STXBP4: variants seen among roughly 807,000 people sequenced by gnomAD.
STXBP4 encodes syntaxin-binding protein 4.
A neutral mutation model predicts 76.1 loss-of-function variants in STXBP4; 55 were observed. That is an observed-to-expected ratio of 0.72 (90% CI 0.58 to 0.91). STXBP4 has a LOEUF of 0.91. Among genes scored for constraint, STXBP4 ranks in the 40% least tolerant of loss-of-function variants. The pLI, the probability that STXBP4 is intolerant of heterozygous loss-of-function variation, is 0.00. For synonymous variants in STXBP4, 201 were observed against 220.2 expected, an observed-to-expected ratio of 0.91 and a Z score of 0.77; for missense variants, 618 against 636.9, an observed-to-expected ratio of 0.97 and a Z score of 0.32.
downstream of STXBP4, among the ~76,000 whole-genome samples, chr17:55,176,748 G>T (rs556171943): frequency 2.3e-4 from 35 of 152,272 alleles, no homozygotes; most frequent in Non-Finnish European, 1.0e-4. Context: ...ATGAAGATCT[G>T]CCCTCAGCAA....
At chr17:55,110,523 G>A (rs1338757768) in intron 16 of STXBP4, among the ~76,000 whole-genome samples, 1 of 152,160 alleles carries the variant, frequency 6.6e-6, no homozygotes, top group African/African-American at 2.4e-5. Flanking sequence ...AAATGACAGA[G>A]GCTAACAACT....
chr17:55,090,456 A>C (rs549590492), intron 16 of STXBP4, among the ~76,000 whole-genome samples: 1 of 152,250 alleles, frequency 6.6e-6, no homozygotes, highest in African/African-American at 2.4e-5. Flanking sequence ...ATGCAAAGGT[A>C]CATTTCACCC....
intron 8 of STXBP4, among the ~76,000 whole-genome samples, chr17:55,026,287 GAAATGCAAAAGACCCA>G (rs1041823759): frequency 7.9e-5 from 12 of 152,064 alleles, no homozygotes; most frequent in African/African-American, 2.9e-4. Flanking sequence ...CATTTGTATG[GAAATGCAAAAGACCCA>G]AAATAGCTGA....
chr17:55,112,347 A>G (rs1348185519), intron 16 of STXBP4, among the ~76,000 whole-genome samples: 1 of 152,204 alleles, frequency 6.6e-6, no homozygotes, highest in Non-Finnish European at 1.5e-5. Context: ...TCACTAGAAT[A>G]TAAGCTTCAG....
intron 12 of STXBP4, among the ~76,000 whole-genome samples, chr17:55,057,391 G>A (rs1005813252): frequency 1.1e-4 from 17 of 152,150 alleles, no homozygotes; most frequent in African/African-American, 4.1e-4. Context: ...ACTAAACAGT[G>A]TTAGCAACTG....
At chr17:55,070,559 C>T (rs1244653741) in intron 12 of STXBP4, among the ~76,000 whole-genome samples, 1 of 152,198 alleles carries the variant, frequency 6.6e-6, no homozygotes, top group African/African-American at 2.4e-5. Context: ...TTGGCCACAT[C>T]TCTCCATCTG....
At chr17:55,105,316 C>T (rs916817247) in intron 16 of STXBP4, among the ~76,000 whole-genome samples, 12 of 152,024 alleles carry the variant, frequency 7.9e-5, no homozygotes, top group African/African-American at 2.4e-4. Context: ...GATTCTGGTA[C>T]GTTTTGTCTT....
intron 12 of STXBP4, among the ~76,000 whole-genome samples, chr17:55,048,140 C>G (rs1009853974): frequency 2.6e-5 from 4 of 151,830 alleles, no homozygotes; most frequent in African/African-American, 9.7e-5. Flanking sequence ...AAATGGCAGC[C>G]TTGAAGAATC....
intron 8 of STXBP4, among the ~76,000 whole-genome samples, chr17:55,022,806 A>G (rs1446096769): frequency 1.3e-5 from 2 of 152,208 alleles, no homozygotes; most frequent in Admixed American, 6.5e-5. Flanking sequence ...TCCTGGCATC[A>G]TGTGATCAAG....
chr17:55,005,401 A>T (rs1367530630), intron 7 of STXBP4, among the ~76,000 whole-genome samples: 1 of 152,226 alleles, frequency 6.6e-6, no homozygotes, highest in Non-Finnish European at 1.5e-5. Context: ...GGATGGGAAT[A>T]ATAACACCTA....
At chr17:54,986,351 T>A (rs943355856) in intron 3 of STXBP4, 85 bp downstream of exon 3, 1 of 992,128 alleles carries the variant, frequency 1.0e-6, no homozygotes, top group Non-Finnish European at 1.5e-6. Context: ...TTTTTTTACA[T>A]CTAGCTCTCT....
intron 14 of STXBP4, 111 bp from the exon 15 acceptor site, chr17:55,078,575 A>C: frequency 1.5e-6 from 1 of 670,892 alleles, no homozygotes; most frequent in Non-Finnish European, 2.6e-6. Context: ...ACATAATAGA[A>C]GCATCAGTTT....
chr17:55,128,394 C>T (rs1241674633), intron 16 of STXBP4, among the ~76,000 whole-genome samples: 1 of 137,768 alleles, frequency 7.3e-6, no homozygotes, highest in Non-Finnish European at 1.6e-5. Flanking sequence ...ACCCGTTGTA[C>T]CAGAGATTGC....
At chr17:55,000,399 G>A (rs925235539) in intron 6 of STXBP4, 2 of 410,946 alleles carry the variant, frequency 4.9e-6, no homozygotes, top group East Asian at 1.6e-4. Context: ...ACAGAATAAA[G>A]TGTGTATTAT....
At chr17:55,132,970 A>G (rs1470549477) in intron 16 of STXBP4, among the ~76,000 whole-genome samples, 3 of 152,204 alleles carry the variant, frequency 2.0e-5, no homozygotes, top group African/African-American at 7.2e-5. Flanking sequence ...ATGCAGCTGC[A>G]GCACATTGAA....
chr17:55,037,642 T>G (rs1479965451), intron 10 of STXBP4, among the ~76,000 whole-genome samples: 2 of 152,140 alleles, frequency 1.3e-5, no homozygotes, highest in African/African-American at 4.8e-5. Flanking sequence ...TGTCGTGCAA[T>G]AGAATTATAT....
At chr17:55,011,508 C>CTTTTTTTTTTTTTTTTTTTTTTT (rs3080154) in intron 8 of STXBP4, among the ~76,000 whole-genome samples, 1 of 85,922 alleles carries the variant, frequency 1.2e-5, no homozygotes, top group Non-Finnish European at 2.0e-5. Flanking sequence ...TTTTCTTTTT[C>CTTTTTTTTTTTTTTTTTTTTTTT]TTTTTTTTTT....
intron 1 of STXBP4, among the ~76,000 whole-genome samples, chr17:54,976,917 C>A (rs948061872): frequency 4.6e-5 from 7 of 152,150 alleles, no homozygotes; most frequent in African/African-American, 1.7e-4. Context: ...TACCTGTTGA[C>A]CAACTCCTCT....
intron 7 of STXBP4, among the ~76,000 whole-genome samples, chr17:55,005,965 GTA>G (rs1182964325): frequency 6.6e-6 from 1 of 151,776 alleles, no homozygotes; most frequent in African/African-American, 2.4e-5. Context: ...GTGTATGTGT[GTA>G]TATATATGCA....
Sources: allele counts gnomAD v4.1 joint callset (sites outside exome capture counted in the v4.1 genomes callset), GRCh38; gene constraint gnomAD v4.1.1; transcripts MANE v1.5; gene names NCBI Gene and HGNC (gene_info 2026-07-23, HGNC 2026-07-21).